PADI6: variants seen among roughly 807,000 people sequenced by gnomAD.
The protein encoded by PADI6 is peptidyl arginine deiminase 6.
Under a neutral mutation model 78.2 loss-of-function variants are expected in PADI6, and 66 were observed. That is an observed-to-expected ratio of 0.84 (90% CI 0.69 to 1.04). The LOEUF (loss-of-function observed/expected upper bound fraction) is 1.04. PADI6 is among the 50% of genes least tolerant of loss of function. The probability of loss-of-function intolerance (pLI) is 0.00; values close to 1 mark genes in which losing one functional copy is unlikely to be tolerated. For synonymous variants in PADI6, 397 were observed against 346.9 expected (o/e 1.14, Z -1.60); for missense variants, 854 against 866.1 (o/e 0.99, Z 0.18).
Position 17,373,316 on chromosome 1 carries a change from G to A in PADI6, c.294+83G>A, listed in dbSNP as rs572820870. 1,168 of 1,492,752 alleles carry A rather than the reference G, an allele frequency of 7.8e-4. 1 individual carries two copies. The highest frequency in any genetic ancestry group is 9.7e-4 in the Non-Finnish European group (1,063 of 1,093,848). 92.5% of individuals were successfully genotyped at this position (1,492,752 alleles called of 1,614,324 possible). ...CTGGGGCTTCCTCCTGGCTGCAGAC[G>A]TGACTCGAGCCTGGGAAACACGTTG... is the stretch of plus-strand genomic sequence containing the variant. On this transcript the variant is annotated intron_variant, in intron 2 of 15. Transcript: ENST00000619609.
chr1:17,375,584 A>G (rs2100286468), intron 3 of PADI6, 85 bp downstream of exon 3: 2 of 1,243,092 alleles, frequency 1.6e-6, no homozygotes, highest in African/African-American at 1.5e-5. Context: ...GAGCCAAAAA[A>G]GATTCTCCAG....
chr1:17,382,043 C>T lies in PADI6; in HGVS notation c.630C>T (p.Leu210=), dbSNP rs1433506983. ...SCILKKYRLV[L]HTSKEESKKA... is the part of the protein sequence containing the mutation. ...TCTTAAAGAAATATCGGCTAGTCCT[C>T]CATACCTCCAAGGAAGAGTCGAAGA... Residue 210 remains leucine, a synonymous_variant, in exon 6 of 16, where the codon CTC becomes CTT. Coordinates refer to ENST00000619609, the MANE Select transcript of PADI6 (RefSeq NM_207421.4). 6.2e-7 allele frequency: 1 copy of T among 1,613,862 alleles called. No homozygotes were observed. The highest frequency in any genetic ancestry group is 8.5e-7 in the Non-Finnish European group (1 of 1,179,856).
rs761298041 is a variant in PADI6 at position 17,398,688 on chromosome 1, G to A, written c.1692G>A (p.Lys564=). The A allele has an allele frequency of 1.2e-4, 123 of 1,056,202 alleles. No individual in the cohort carries two copies. In the South Asian group the frequency reaches 3.9e-3, roughly 34 times the overall value. The allele number at this position is 1,056,202 out of a possible 1,614,324, so 65.4% of individuals were successfully genotyped here. A position where few individuals can be genotyped will look rare whatever the true frequency, so the allele number is the denominator to read the frequency against. The change falls in exon 15 of 16, where the codon AAG becomes AAA. Residue 564 remains lysine (K), a splice_region_variant and synonymous_variant. Transcript: ENST00000619609. The part of the protein sequence containing the change: ...SLKKQNEYVE[K]CIHLNRDILK... Reference sequence around the variant, plus strand: ...CCCACCCACCCACCCACCCACAGAAGTGCATTCACCTGAACCGTGACATCC... The same window carrying A: ...CCCACCCACCCACCCACCCACAGAAATGCATTCACCTGAACCGTGACATCC...
chr1:17,375,341 G>A (rs1448154869), intron 2 of PADI6, 86 bp from the exon 3 acceptor site: 10 of 1,255,840 alleles, frequency 8.0e-6, no homozygotes, highest in East Asian at 2.5e-5. Flanking sequence ...AAGATCCCAC[G>A]CCTAGACTCG....
At position 17,393,522 on chromosome 1, in the gene PADI6, G is replaced by C. The variant is rs903043076; in HGVS notation, c.1075-453G>C. Among the ~76,000 whole-genome samples the C allele has an allele frequency of 3.3e-5, 5 of 152,186 alleles. No homozygotes were observed. The East Asian group carries it at 9.6e-4, about 29-fold the overall frequency. ...TTACGAAAGAAGAAAGGAAGAATCT[G>C]GATGCTCAAGTCTTTTTCGCCCAGA... On this transcript the variant is annotated intron_variant, in intron 9 of 15. Transcript: ENST00000619609.
rs141951542 is a variant in PADI6, at chr1:17,372,360, G to A, written c.115G>A (p.Gly39Arg). The A allele has an allele frequency of 2.5e-4, 398 of 1,613,372 alleles. 3 individuals are homozygous for A. In the African/African-American group the frequency reaches 4.1e-3, roughly 17 times the overall value. The change falls in exon 1 of 16, where the codon GGG becomes AGG. Residue 39 changes from glycine to arginine, a missense_variant and splice_region_variant. By Grantham distance (125) the Gly-to-Arg change is moderately radical. Coordinates refer to ENST00000619609, the MANE Select transcript of PADI6 (RefSeq NM_207421.4). ...LGTEICLDLS[G>R]CAPQKCQCFT... ...CACAGAAATCTGCTTGGATCTCAGC[G>A]GGTGAGATGCTGGGAGCTCTGCCAG...
At chr1:17,387,449 A>G (rs1380178757) in intron 6 of PADI6, among the ~76,000 whole-genome samples, 4 of 145,278 alleles carry the variant, frequency 2.8e-5, no homozygotes, top group Non-Finnish European at 6.0e-5. Context: ...CACCTCAAAA[A>G]AGAAAAGGAG....
intron 6 of PADI6, among the ~76,000 whole-genome samples, chr1:17,387,151 GA>G (rs766931789): frequency 6.6e-6 from 1 of 152,168 alleles, no homozygotes; most frequent in Non-Finnish European, 1.5e-5. Flanking sequence ...CCTAGAAAAT[GA>G]ATGGACTTGG....
In PADI6 at chr1:17,381,075, G is replaced by C; in HGVS notation, c.464G>C (p.Trp155Ser). 1 of 1,607,020 alleles carries C rather than the reference G, an allele frequency of 6.2e-7. No individual in the cohort carries two copies. Among genetic ancestry groups the C allele is most frequent in the Admixed American group, 1.7e-5 (1 of 58,964 alleles). ...AAATGGATCTGGGGTCCCAGCGGTTGGGGTGCCATCCTGCTTGTGAATTGC... is the reference window on the plus strand; with the variant it reads ...AAATGGATCTGGGGTCCCAGCGGTTCGGGTGCCATCCTGCTTGTGAATTGC... ...KKKWIWGPSG[W>S]GAILLVNCNP... The change falls in exon 5 of 16, where the codon TGG becomes TCG. Residue 155 changes from tryptophan (W) to serine (S), a missense_variant. By Grantham distance (177) the Trp-to-Ser change is radical (BLOSUM62 -3). Coordinates refer to ENST00000619609, the MANE Select transcript of PADI6 (RefSeq NM_207421.4).
intron 15 of PADI6, among the ~76,000 whole-genome samples, chr1:17,400,900 G>A (rs1020780017): frequency 6.6e-6 from 1 of 152,204 alleles, no homozygotes; most frequent in Non-Finnish European, 1.5e-5. Flanking sequence ...GACAAAGCGG[G>A]GGTGGGGAGA....
At chr1:17,375,975 C>CTTTTTTTTTTT (rs575076756) in intron 3 of PADI6, among the ~76,000 whole-genome samples, 2 of 150,230 alleles carry the variant, frequency 1.3e-5, no homozygotes, top group African/African-American at 5.0e-5. Flanking sequence ...ATAACATCTA[C>CTTTTTTTTTTT]TTTTTTTTTC....
At chr1:17,389,498 G>A (rs1010388803) in intron 8 of PADI6, among the ~76,000 whole-genome samples, 2 of 152,304 alleles carry the variant, frequency 1.3e-5, no homozygotes, top group South Asian at 4.1e-4. Context: ...CGGGCCCCAG[G>A]AGGGAGAAAG....
At position 17,398,563 on chromosome 1, in the gene PADI6, T is replaced by A. The variant is rs968644174; in HGVS notation, c.1690-123T>A. 32 of 619,304 alleles carry A rather than the reference T, an allele frequency of 5.2e-5. No individual in the cohort carries two copies. The African/African-American group carries it at 5.9e-4, about 11-fold the overall frequency. 38.4% of individuals were successfully genotyped at this position (619,304 alleles called of 1,614,324 possible). A position where few individuals can be genotyped will look rare whatever the true frequency, so the allele number is the denominator to read the frequency against. On this transcript the variant is annotated intron_variant, in intron 14 of 15. Coordinates refer to ENST00000619609, the MANE Select transcript of PADI6 (RefSeq NM_207421.4). ...TGTGAGGCTCCTGGCACACAGCAAG[T>A]GATGGGGATGGTAGTGGTGTCAGGC...
In PADI6 at chr1:17,379,989, T is replaced by C; in HGVS notation, c.435+2T>C. On this transcript the variant is annotated splice_donor_variant, in intron 4 of 15. Coordinates refer to ENST00000619609, the MANE Select transcript of PADI6 (RefSeq NM_207421.4). LOFTEE classifies it high-confidence loss of function. Reference sequence around the variant, plus strand: ...ATGTCAAGTGACAAACAGGCTAAGGTGAGTCTGCCAGCAAAAGGGGGCAGG... The same window carrying C: ...ATGTCAAGTGACAAACAGGCTAAGGCGAGTCTGCCAGCAAAAGGGGGCAGG... 1 of 1,613,028 alleles carries C rather than the reference T, an allele frequency of 6.2e-7. No homozygotes were observed. The highest frequency in any genetic ancestry group is 1.1e-5 in the South Asian group (1 of 91,046).
In PADI6 at chr1:17,396,957, T is replaced by TG. The variant is rs2075252754; in HGVS notation, c.1619-112dup. 7 of 943,686 alleles carry TG rather than the reference T, an allele frequency of 7.4e-6. No individual in the cohort carries two copies. In the East Asian group the frequency reaches 1.8e-4, roughly 25 times the overall value. The allele number at this position is 943,686 out of a possible 1,614,324, so 58.5% of individuals were successfully genotyped here. On this transcript the variant is annotated intron_variant, in intron 13 of 15. Coordinates refer to ENST00000619609, the MANE Select transcript of PADI6 (RefSeq NM_207421.4). ...TGGAGATAGGCCAGTCCTCTCGCCATGGTCACTGGCCCAGGAATGCACCCA... is the reference window on the plus strand; with the variant it reads ...TGGAGATAGGCCAGTCCTCTCGCCATGGGTCACTGGCCCAGGAATGCACCCA...
intron 13 of PADI6, among the ~76,000 whole-genome samples, chr1:17,396,191 G>A (rs2075245829): frequency 6.6e-6 from 1 of 152,130 alleles, no homozygotes. Flanking sequence ...TTCGAGGCCA[G>A]CCTGGCCAAC....
intron 6 of PADI6, among the ~76,000 whole-genome samples, chr1:17,387,734 G>C (rs1214607828): frequency 6.6e-6 from 1 of 152,098 alleles, no homozygotes; most frequent in East Asian, 1.9e-4. Context: ...CTGGGCGACA[G>C]AGCAAGACTC....
intron 4 of PADI6, among the ~76,000 whole-genome samples, chr1:17,380,536 T>G (rs1314360904): frequency 6.6e-6 from 1 of 152,212 alleles, no homozygotes; most frequent in Non-Finnish European, 1.5e-5. Flanking sequence ...CCTGGCTAGT[T>G]TTTTTTGTAT....
Position 17,395,545 on chromosome 1 carries a change from C to CCTG in PADI6, c.1506_1508dup (p.Leu504dup). ...ACCCAAGTTCTGTTTCCCAGGGCTT[C>CCTG]CTGCTGCTCCTGGCCAGCCCCAGTG... On this transcript the variant is annotated inframe_insertion, in exon 13 of 16. Transcript: ENST00000619609. 6.4e-7 allele frequency: 1 copy of CCTG among 1,553,960 alleles called. No homozygotes were observed. The highest frequency in any genetic ancestry group is 8.7e-7 in the Non-Finnish European group (1 of 1,148,172).
Sources: gnomAD v4.1 joint callset for allele counts (sites outside exome capture counted in the v4.1 genomes callset) on GRCh38, gnomAD v4.1.1 for gene constraint, MANE v1.5 for transcripts, NCBI Gene and HGNC (gene_info 2026-07-23, HGNC 2026-07-21) for gene names.